TAF1D: variants seen among roughly 807,000 people sequenced by gnomAD.
TAF1D encodes the protein TATA box-binding protein-associated factor RNA polymerase I subunit D.
In TAF1D, 23 loss-of-function variants were observed where a neutral mutation model predicts 26.2. The observed-to-expected ratio is 0.88, with a 90% CI of 0.63 to 1.25. The LOEUF is 1.25. TAF1D is among the 50% of genes most tolerant of loss of function. The pLI is 0.00. For missense variants in TAF1D, 299 were observed against 322.0 expected, an observed-to-expected ratio of 0.93 and a Z score of 0.55; for synonymous variants, 100 against 105.6, an observed-to-expected ratio of 0.95 and a Z score of 0.33.
chr11:93,733,767 C>T (rs749935457), downstream of TAF1D: 1 of 277,236 alleles, frequency 3.6e-6, no homozygotes, highest in East Asian at 9.0e-5. Context: ...AAGTGTTTCT[C>T]CTGCCTTAGC....
At chr11:93,731,233 A>G, downstream of TAF1D, 1 of 381,712 alleles carries the variant, frequency 2.6e-6, no homozygotes. Context: ...AAAAATGTGT[A>G]TTTCAAATTT....
Position 93,738,313 on chromosome 11 carries a change from C to T in TAF1D, c.255G>A (p.Lys85=), listed in dbSNP as rs751583459. The T allele has an allele frequency of 1.2e-6, 2 of 1,609,234 alleles. No individual in the cohort carries two copies. The highest frequency in any genetic ancestry group is 1.7e-6 in the Non-Finnish European group (2 of 1,178,894). Residue 85 remains lysine (K), a synonymous_variant, in exon 3 of 6, where the codon AAG becomes AAA. Coordinates refer to ENST00000448108, the MANE Select transcript of TAF1D (RefSeq NM_024116.4). The part of the protein sequence containing the change: ...LTIKAIFERF[K]NRKKRYKKKK... ...TTTTTTTATATCTCTTTTTCCTGTT[C>T]TTGAATCTTTCAAAAATAGCTTTTA...
chr11:93,739,272 A>G lies in TAF1D; in HGVS notation c.33T>C (p.His11=), dbSNP rs774974516. The stretch of plus-strand genomic sequence containing the variant: ...CAAGTTCCACAGCATCAGATGTCAC[A>G]TGGTCAAGAGAATCTATTCCTGATT... MDKSGIDSLD[H]VTSDAVELAN... Residue 11 remains histidine (H), a synonymous_variant, in exon 2 of 6, where the codon CAT becomes CAC. Coordinates refer to ENST00000448108, the MANE Select transcript of TAF1D (RefSeq NM_024116.4). The G allele has an allele frequency of 1.9e-6, 3 of 1,613,200 alleles. No homozygotes were observed. The highest frequency in any genetic ancestry group is 1.7e-5 in the Admixed American group (1 of 59,790).
downstream of TAF1D, chr11:93,733,090 T>G (rs1022591553): frequency 1.9e-5 from 7 of 360,542 alleles, no homozygotes; most frequent in African/African-American, 1.3e-4. Flanking sequence ...TACTTACCTC[T>G]CAACATGAAT....
intron 3 of TAF1D, 67 bp from the exon 4 acceptor site, chr11:93,737,306 CAA>C (rs1244727972): frequency 8.8e-7 from 1 of 1,134,752 alleles, no homozygotes; most frequent in African/African-American, 1.6e-5. Context: ...TGCCTATGTT[CAA>C]AAAGGGCAAT....
At chr11:93,735,300 C>T (rs1349376823), downstream of TAF1D, 18 of 1,250,368 alleles carry the variant, frequency 1.4e-5, no homozygotes, top group South Asian at 2.8e-5. Context: ...TAATGAACAT[C>T]GGGGTAATGA....
At chr11:93,734,791 TAAGA>T, downstream of TAF1D, 1 of 1,246,208 alleles carries the variant, frequency 8.0e-7, no homozygotes, top group Non-Finnish European at 1.0e-6. Flanking sequence ...CTTTTTTTCT[TAAGA>T]GACAGGGTCT....
chr11:93,733,701 G>A (rs751129343), downstream of TAF1D: 3 of 433,378 alleles, frequency 6.9e-6, no homozygotes, highest in Non-Finnish European at 1.3e-5. Flanking sequence ...GGGGTTCGAG[G>A]CTACAGTGAG....
chr11:93,740,117 T>C (rs1429641859), intron 1 of TAF1D, among the ~76,000 whole-genome samples: 1 of 151,884 alleles, frequency 6.6e-6, no homozygotes, highest in African/African-American at 2.4e-5. Flanking sequence ...AAGACCAACC[T>C]GGGCAACGTG....
downstream of TAF1D, chr11:93,731,192 T>C: frequency 2.3e-6 from 1 of 436,836 alleles, no homozygotes; most frequent in South Asian, 1.8e-5. Context: ...AATATGGATA[T>C]ACTGATGAAG....
In TAF1D at chr11:93,739,286, CTA is replaced by C; in HGVS notation, c.17_18del (p.Ile6ArgfsTer4). 1 of 1,611,272 alleles carries C rather than the reference CTA, an allele frequency of 6.2e-7. No homozygotes were observed. The highest frequency in any genetic ancestry group is 8.5e-7 in the Non-Finnish European group (1 of 1,179,444). ...TCAGATGTCACATGGTCAAGAGAAT[CTA>C]TTCCTGATTTATCCATCAATTGCTC... MDKSG[I>X]DSLDHVTSDA... is the part of the protein sequence containing the mutation. On this transcript the variant is annotated frameshift_variant, in exon 2 of 6. Coordinates refer to ENST00000448108, the MANE Select transcript of TAF1D (RefSeq NM_024116.4). LOFTEE classifies it high-confidence loss of function.
At chr11:93,734,248 T>C (rs1940158273), downstream of TAF1D, 1 of 159,900 alleles carries the variant, frequency 6.3e-6, no homozygotes, top group South Asian at 1.8e-4. Context: ...CTCTACATCA[T>C]TCAAATTTAT....
At chr11:93,730,441 GT>G in exon 12 of TAF1D, 1 of 760,382 alleles carries the variant, frequency 1.3e-6, no homozygotes. Context: ...TTATCTTCAA[GT>G]TTGCCCTGAA....
At chr11:93,740,433 GAAAAAAAAAAAAAAAAAAAA>G (rs59420824) in intron 1 of TAF1D, among the ~76,000 whole-genome samples, 834 of 48,466 alleles carry the variant, frequency 0.017, 26 homozygotes, top group African/African-American at 0.056. Context: ...CCTGTCTCAG[GAAAAAAAAAAAAAAAAAAAA>G]AAAAAAAAAA....
At chr11:93,734,280 TC>T (rs1940170263), downstream of TAF1D, 2 of 185,548 alleles carry the variant, frequency 1.1e-5, no homozygotes, top group African/African-American at 2.4e-5. Flanking sequence ...ACCTGTGTAA[TC>T]ATCTTTTATT....
chr11:93,730,718 TAAC>T (rs1342302751), downstream of TAF1D: 7 of 501,932 alleles, frequency 1.4e-5, no homozygotes, highest in East Asian at 1.6e-4. Context: ...CAGCCCTACA[TAAC>T]AATAGTATAA....
chr11:93,737,974 G>A (rs2135509954), intron 3 of TAF1D, 135 bp downstream of exon 3: 1 of 924,126 alleles, frequency 1.1e-6, no homozygotes, highest in Non-Finnish European at 1.5e-6. Context: ...GACTTTAGGG[G>A]TAAGTCAGTA....
chr11:93,739,059 T>G (rs1941303350), intron 2 of TAF1D, 178 bp downstream of exon 2: 1 of 570,276 alleles, frequency 1.8e-6, no homozygotes, highest in Non-Finnish European at 3.1e-6. Context: ...ATTCACATTT[T>G]GAATTTAAAG....
At chr11:93,730,565 T>C (rs762459474) in exon 12 of TAF1D, 1 of 619,174 alleles carries the variant, frequency 1.6e-6, no homozygotes, top group South Asian at 1.4e-5. Context: ...TGCTATGGCT[T>C]CCTATAGAGA....
Sources: gnomAD v4.1 joint callset for allele counts (sites outside exome capture counted in the v4.1 genomes callset) on GRCh38, gnomAD v4.1.1 for gene constraint, MANE v1.5 for transcripts, NCBI Gene and HGNC (gene_info 2026-07-23, HGNC 2026-07-21) for gene names.